The following NEBL variants were observed in gnomAD, a reference collection of about 807,000 sequenced individuals.
NEBL encodes nebulette.
A neutral mutation model predicts 140.2 loss-of-function variants in NEBL; 122 were observed. That is an observed-to-expected ratio of 0.87 (90% CI 0.75 to 1.01). NEBL has a LOEUF of 1.01. NEBL is among the 50% of genes least tolerant of loss of function. The pLI, the probability that NEBL is intolerant of heterozygous loss-of-function variation, is 0.00. For missense variants in NEBL, 1,365 were observed against 1,231.3 expected (o/e 1.11, Z -1.62); for synonymous variants, 436 against 398.9 (o/e 1.09, Z -1.11).
At chr10:20,817,836 G>A (rs183738057) in intron 20 of NEBL, 144 bp from the exon 21 acceptor site, 20 of 719,668 alleles carry the variant, frequency 2.8e-5, no homozygotes, top group Middle Eastern at 2.4e-4. Flanking sequence ...TTACATATAC[G>A]CCCACATTCC....
intron 2 of NEBL, among the ~76,000 whole-genome samples, chr10:21,120,821 A>G (rs1422241950): frequency 6.6e-6 from 1 of 151,836 alleles, no homozygotes; most frequent in African/African-American, 2.4e-5. Flanking sequence ...AATACACACA[A>G]CTCTGCGTCG....
intron 26 of NEBL, among the ~76,000 whole-genome samples, chr10:20,797,160 T>A (rs1206699984): frequency 6.6e-6 from 1 of 152,208 alleles, no homozygotes; most frequent in Non-Finnish European, 1.5e-5. Context: ...AAATCCCAAT[T>A]TTCCTCAGTG....
chr10:20,985,186 T>C (rs904003841), intron 3 of NEBL, among the ~76,000 whole-genome samples: 1 of 152,174 alleles, frequency 6.6e-6, no homozygotes, highest in Non-Finnish European at 1.5e-5. Flanking sequence ...GCCCCATCCA[T>C]GGAAAAACTG....
chr10:21,213,434 A>C (rs1465632347), intron 3 of NEBL, among the ~76,000 whole-genome samples: 1 of 152,222 alleles, frequency 6.6e-6, no homozygotes, highest in Non-Finnish European at 1.5e-5. Flanking sequence ...GGGAAGCTTC[A>C]GTCTAAAGAA....
At chr10:21,171,888 T>C (rs1260061302) in intron 2 of NEBL, 2 of 184,758 alleles carry the variant, frequency 1.1e-5, no homozygotes, top group African/African-American at 4.7e-5. Flanking sequence ...TTGGTTCCAT[T>C]CTCCAAACCA....
intron 4 of NEBL, among the ~76,000 whole-genome samples, chr10:20,957,463 G>C (rs1321717614): frequency 6.6e-6 from 1 of 152,080 alleles, no homozygotes; most frequent in Non-Finnish European, 1.5e-5. Flanking sequence ...GAAAGTGGTA[G>C]CAAAAAAGGA....
chr10:20,988,973 A>G (rs1321022081), intron 3 of NEBL, among the ~76,000 whole-genome samples: 2 of 152,246 alleles, frequency 1.3e-5, no homozygotes, highest in Non-Finnish European at 2.9e-5. Context: ...ATATTTGCTG[A>G]ATGAATAATT....
At chr10:20,912,260 AAAGC>A (rs771404280) in intron 4 of NEBL, among the ~76,000 whole-genome samples, 5 of 152,334 alleles carry the variant, frequency 3.3e-5, no homozygotes, top group Non-Finnish European at 7.3e-5. Flanking sequence ...GCTTGCAAGA[AAAGC>A]AAGTCAATGG....
intron 9 of NEBL, 84 bp from the exon 10 acceptor site, chr10:20,852,733 A>C: frequency 8.5e-7 from 1 of 1,173,882 alleles, no homozygotes; most frequent in South Asian, 1.3e-5. Context: ...ACTGCACATT[A>C]CAAGCCACCA....
At chr10:20,914,870 T>C (rs1848471470) in intron 4 of NEBL, among the ~76,000 whole-genome samples, 2 of 152,108 alleles carry the variant, frequency 1.3e-5, no homozygotes, top group South Asian at 4.1e-4. Context: ...TTTTGTTTTG[T>C]TTTTTGAGGC....
intron 2 of NEBL, among the ~76,000 whole-genome samples, chr10:21,124,815 G>T (rs1838742891): frequency 6.6e-6 from 1 of 152,154 alleles, no homozygotes; most frequent in African/African-American, 2.4e-5. Flanking sequence ...TTAAAAATTG[G>T]CCAGGCATGG....
intron 4 of NEBL, among the ~76,000 whole-genome samples, chr10:20,934,037 A>AT (rs1046813227): frequency 3.9e-5 from 6 of 152,130 alleles, no homozygotes; most frequent in African/African-American, 1.2e-4. Context: ...TAATGTTGAA[A>AT]TTTAAAAAAA....
At chr10:20,869,921 A>G in intron 5 of NEBL, 80 bp from the exon 6 acceptor site, 1 of 947,600 alleles carries the variant, frequency 1.1e-6, no homozygotes, top group Admixed American at 1.8e-5. Context: ...TCATAACATT[A>G]TTTATTCTCA....
At chr10:20,790,584 G>C (rs1835866878) in intron 26 of NEBL, among the ~76,000 whole-genome samples, 1 of 148,980 alleles carries the variant, frequency 6.7e-6, no homozygotes, top group Admixed American at 6.7e-5. Context: ...CTGGGCGACA[G>C]AGTGAAACTC....
chr10:21,220,230 T>C (rs879767285), intron 3 of NEBL, among the ~76,000 whole-genome samples: 3 of 152,144 alleles, frequency 2.0e-5, no homozygotes, highest in Non-Finnish European at 2.9e-5. Flanking sequence ...TGTATGTTGA[T>C]TTTGTATCCT....
At chr10:20,882,572 T>C (rs1273080336) in intron 4 of NEBL, among the ~76,000 whole-genome samples, 1 of 152,218 alleles carries the variant, frequency 6.6e-6, no homozygotes, top group African/African-American at 2.4e-5. Flanking sequence ...AAATGTTTAG[T>C]GAACAGATGA....
chr10:21,292,837 G>A (rs1453245070), exon 1 of NEBL, among the ~76,000 whole-genome samples: 2 of 152,104 alleles, frequency 1.3e-5, no homozygotes, highest in Non-Finnish European at 2.9e-5. Context: ...TACATTCTTG[G>A]CTCTTTTTCC....
chr10:20,969,544 C>CTTTTTTTTTTTT (rs771623257), intron 3 of NEBL, among the ~76,000 whole-genome samples: 5 of 115,752 alleles, frequency 4.3e-5, no homozygotes, highest in African/African-American at 1.0e-4. Flanking sequence ...TTTTTCTTTT[C>CTTTTTTTTTTTT]TTTTTTTTTT....
intron 26 of NEBL, 45 bp from the exon 27 acceptor site, chr10:20,787,353 C>A: frequency 7.0e-7 from 1 of 1,432,082 alleles, no homozygotes; most frequent in Non-Finnish European, 9.8e-7. Context: ...TTAAAGTTAG[C>A]CTCGAAATAC....
Sources: gnomAD v4.1 joint callset for allele counts (sites outside exome capture counted in the v4.1 genomes callset) on GRCh38, gnomAD v4.1.1 for gene constraint, MANE v1.5 for transcripts, NCBI Gene and HGNC (gene_info 2026-07-23, HGNC 2026-07-21) for gene names.